The following WDTC1 variants were observed in gnomAD, a reference collection of about 807,000 sequenced individuals.
WDTC1 encodes WD and tetratricopeptide repeats protein 1.
In WDTC1, 12 loss-of-function variants were observed where a neutral mutation model predicts 76.0. The observed-to-expected ratio is 0.16, with a 90% CI of 0.10 to 0.26. The LOEUF (loss-of-function observed/expected upper bound fraction) is 0.26. Among genes scored for constraint, WDTC1 ranks in the 10% least tolerant of loss-of-function variants. WDTC1 has a pLI of 1.00. For missense variants in WDTC1, 511 were observed against 908.8 expected (o/e 0.56, Z 5.63); for synonymous variants, 326 against 350.8 (o/e 0.93, Z 0.79).
chr1:27,294,489 A>G, intron 8 of WDTC1, 25 bp from the exon 9 acceptor site: 1 of 1,603,044 alleles, frequency 6.2e-7, no homozygotes, highest in Non-Finnish European at 8.5e-7. Flanking sequence ...CTGGGACCCT[A>G]GTATGACTGG....
chr1:27,244,167 A>T lies in WDTC1; in HGVS notation c.-100+9216A>T, dbSNP rs184457173. Among the ~76,000 whole-genome samples the T allele has an allele frequency of 1.5e-3, 226 of 152,016 alleles. 4 individuals carry two copies. In the East Asian group the frequency reaches 0.029, roughly 20 times the overall value. The stretch of plus-strand genomic sequence containing the variant: ...TCTCAAAACAAATAAAAATTTTTTT[A>T]AAAAAATTAAAAAGATGAAGAGACG... On this transcript the variant is annotated intron_variant, in intron 1 of 15. Transcript: ENST00000319394.
chr1:27,287,150 G>A (rs1408043317), intron 5 of WDTC1, among the ~76,000 whole-genome samples: 9 of 150,526 alleles, frequency 6.0e-5, no homozygotes, highest in Middle Eastern at 3.4e-3. Flanking sequence ...GTGACAGAGC[G>A]AGACGCTGTC....
At chr1:27,244,974 C>CA (rs1465166388) in intron 1 of WDTC1, among the ~76,000 whole-genome samples, 1 of 151,866 alleles carries the variant, frequency 6.6e-6, no homozygotes, top group Admixed American at 6.6e-5. Flanking sequence ...TAGCTTATCT[C>CA]AGAGTCCACC....
At chr1:27,271,541 C>T (rs906267066) in intron 3 of WDTC1, among the ~76,000 whole-genome samples, 7 of 151,878 alleles carry the variant, frequency 4.6e-5, no homozygotes, top group Admixed American at 6.6e-5. Flanking sequence ...TGAGACTTTA[C>T]GTTTTCAAAA....
At chr1:27,246,318 C>T (rs188466138) in intron 1 of WDTC1, among the ~76,000 whole-genome samples, 60 of 152,294 alleles carry the variant, frequency 3.9e-4, no homozygotes, top group Admixed American at 1.5e-3. Context: ...TAGAACCATA[C>T]GACATGTAGT....
chr1:27,269,191 A>AAG (rs2012776033), intron 3 of WDTC1, among the ~76,000 whole-genome samples: 1 of 144,316 alleles, frequency 6.9e-6, no homozygotes, highest in Non-Finnish European at 1.5e-5. Context: ...AAAAAAAAAA[A>AAG]TCAGCTAGGT....
intron 3 of WDTC1, among the ~76,000 whole-genome samples, chr1:27,277,378 A>T (rs980930782): frequency 1.3e-5 from 2 of 152,214 alleles, no homozygotes; most frequent in Non-Finnish European, 2.9e-5. Flanking sequence ...GTAAGGATCC[A>T]ACTTCATTCT....
chr1:27,235,745 G>A (rs530748463), intron 1 of WDTC1, among the ~76,000 whole-genome samples: 1 of 152,110 alleles, frequency 6.6e-6, no homozygotes, highest in Admixed American at 6.6e-5. Flanking sequence ...AGGTACAGGG[G>A]CCTGTAACTA....
Position 27,303,336 on chromosome 1 carries a change from C to T in WDTC1, c.1469-285C>T, listed in dbSNP as rs1334218758. Among the ~76,000 whole-genome samples the T allele has an allele frequency of 6.6e-6, 1 of 152,084 alleles. No homozygotes were observed. The highest frequency in any genetic ancestry group is 1.5e-5 in the Non-Finnish European group (1 of 68,004). On this transcript the variant is annotated intron_variant, in intron 13 of 15. Transcript: ENST00000319394. The surrounding 1 kb of genome is among the most constrained non-coding windows in gnomAD (Gnocchi z 4.8). ...TACCCTCCCCTGCCTCTTACCTCCA[C>T]AGAAACAGACTTTGAGTCTCTGCAT...
At chr1:27,238,354 C>T (rs181896741) in intron 1 of WDTC1, among the ~76,000 whole-genome samples, 48 of 152,282 alleles carry the variant, frequency 3.2e-4, no homozygotes, top group Middle Eastern at 6.8e-3. Flanking sequence ...GATTAAATGA[C>T]ATAATTTCCA....
At chr1:27,292,173 G>A (rs1233727607) in intron 6 of WDTC1, 42 bp from the exon 7 acceptor site, 2 of 1,449,082 alleles carry the variant, frequency 1.4e-6, no homozygotes, top group Non-Finnish European at 1.8e-6. Flanking sequence ...TTCCTCTCAA[G>A]GACCCCAAGC....
chr1:27,239,826 ACC>A (rs2011578040), intron 1 of WDTC1, among the ~76,000 whole-genome samples: 2 of 150,268 alleles, frequency 1.3e-5, no homozygotes, highest in East Asian at 2.0e-4. Context: ...AAAAAAAAAA[ACC>A]AAAAAAACCC....
intron 1 of WDTC1, among the ~76,000 whole-genome samples, chr1:27,248,269 A>G (rs894739293): frequency 1.3e-5 from 2 of 152,214 alleles, no homozygotes; most frequent in East Asian, 1.9e-4. Flanking sequence ...ACTCCCACTA[A>G]CAGTGTAAAA....
At chr1:27,249,789 C>T (rs1315808557) in intron 1 of WDTC1, among the ~76,000 whole-genome samples, 1 of 152,116 alleles carries the variant, frequency 6.6e-6, no homozygotes, top group East Asian at 1.9e-4. Context: ...GTTGCCCAGC[C>T]TGGTCTTAAA....
intron 3 of WDTC1, among the ~76,000 whole-genome samples, chr1:27,278,786 C>A (rs1047947533): frequency 6.6e-6 from 1 of 152,212 alleles, no homozygotes. Flanking sequence ...TTCCTCAGAG[C>A]GGCTTTCCCT....
chr1:27,260,783 C>T lies in WDTC1; in HGVS notation c.-99-173C>T, dbSNP rs147392392. Among the ~76,000 whole-genome samples, 3 of 152,338 alleles carry T rather than the reference C, an allele frequency of 2.0e-5. No individual in the cohort carries two copies. In the East Asian group the frequency reaches 5.8e-4, roughly 29 times the overall value. On this transcript the variant is annotated intron_variant, in intron 1 of 15. Coordinates refer to ENST00000319394, the MANE Select transcript of WDTC1 (RefSeq NM_001276252.2). ...TTGGGATGTGCTACTGTTCTCCCCA[C>T]CCACTTCACCCATTCCAGAGGTTTT...
In WDTC1 at chr1:27,305,515, A is replaced by G. The variant is rs747614986; in HGVS notation, c.1836+322A>G. ...GACCCAGGCTTTTAATCATCTGTAC[A>G]TTGGGAATGGGAATGACAGCACCAC... On this transcript the variant is annotated intron_variant, in intron 15 of 15. Transcript: ENST00000319394. This position sits in a 1 kb window ranked among gnomAD's most constrained non-coding sequence, Gnocchi z 4.6. Among the ~76,000 whole-genome samples, 3 of 152,268 alleles carry G rather than the reference A, an allele frequency of 2.0e-5. No individual in the cohort carries two copies. Among genetic ancestry groups the G allele is most frequent in the South Asian group, 2.1e-4 (1 of 4,824 alleles).
At chr1:27,238,833 G>C (rs1454416272) in intron 1 of WDTC1, among the ~76,000 whole-genome samples, 1 of 151,900 alleles carries the variant, frequency 6.6e-6, no homozygotes, top group Non-Finnish European at 1.5e-5. Context: ...CCAAAGTGCT[G>C]GGATTACAGG....
intron 9 of WDTC1, among the ~76,000 whole-genome samples, chr1:27,295,238 G>A (rs1202420420): frequency 6.6e-6 from 1 of 152,174 alleles, no homozygotes; most frequent in African/African-American, 2.4e-5. Flanking sequence ...TCCATCCCCA[G>A]GCTGATGGGA....
Sources: gnomAD v4.1 joint callset for allele counts (sites outside exome capture counted in the v4.1 genomes callset) on GRCh38, gnomAD v4.1.1 for gene constraint, Gnocchi (gnomAD v3.1) non-coding constraint, MANE v1.5 for transcripts, NCBI Gene and HGNC (gene_info 2026-07-23, HGNC 2026-07-21) for gene names.